The following RTL4 variants were observed in gnomAD, a reference collection of about 807,000 sequenced individuals.
The protein encoded by RTL4 is retrotransposon Gag-like protein 4.
In RTL4, 4 loss-of-function variants were observed where a neutral mutation model predicts 5.3. The observed-to-expected ratio is 0.75, with a 90% CI of 0.37 to 1.72. RTL4 has a LOEUF of 1.72. RTL4 is among the 40% of genes most tolerant of loss of function. The pLI, the probability that RTL4 is intolerant of heterozygous loss-of-function variation, is 0.04. For missense variants in RTL4, 260 were observed against 227.1 expected, an observed-to-expected ratio of 1.14 and a Z score of -0.93; for synonymous variants, 98 against 87.3, an observed-to-expected ratio of 1.12 and a Z score of -0.68.
At chrX:112,450,577 AT>A (rs1316853197), upstream of RTL4, among the ~76,000 whole-genome samples, 618 of 108,826 alleles carry the variant, frequency 5.7e-3, 2 homozygotes, top group African/African-American at 0.02. Context: ...GGCAAGGTAG[AT>A]TTTTTTTTTG....
At chrX:112,240,781 G>A in the RTL4 span, among the ~76,000 whole-genome samples, 1 of 110,750 alleles carries the variant, frequency 9.0e-6, no homozygotes, top group African/African-American at 3.3e-5. Flanking sequence ...ACCCATTAAC[G>A]TGTCATCTAC....
chrX:112,435,846 C>T, the RTL4 span, among the ~76,000 whole-genome samples: 2 of 112,032 alleles, frequency 1.8e-5, no homozygotes, highest in African/African-American at 6.5e-5. Flanking sequence ...TTTACTTCTC[C>T]CTTCTGTTCC....
At chrX:112,168,404 T>C in the RTL4 span, among the ~76,000 whole-genome samples, 1 of 111,833 alleles carries the variant, frequency 8.9e-6, no homozygotes, top group Non-Finnish European at 1.9e-5. Flanking sequence ...ATTTGAACCA[T>C]AGCAACTCCA....
At chrX:112,297,418 G>A in the RTL4 span, among the ~76,000 whole-genome samples, 24 of 111,548 alleles carry the variant, frequency 2.2e-4, no homozygotes, top group Non-Finnish European at 1.3e-4. Context: ...AAGCAGGCGC[G>A]TCCTACACAG....
the RTL4 span, among the ~76,000 whole-genome samples, chrX:112,350,191 GC>G: frequency 9.0e-6 from 1 of 111,048 alleles, no homozygotes; most frequent in African/African-American, 3.3e-5. Flanking sequence ...TGTTGAACCA[GC>G]CTTTCATCCC....
chrX:112,172,316 C>G, the RTL4 span, among the ~76,000 whole-genome samples: 1 of 110,651 alleles, frequency 9.0e-6, no homozygotes, highest in African/African-American at 3.3e-5. Flanking sequence ...CAGAGTAAGA[C>G]TCTGTCAAAA....
chrX:112,303,579 G>C, the RTL4 span, among the ~76,000 whole-genome samples: 1 of 80,796 alleles, frequency 1.2e-5, no homozygotes, highest in African/African-American at 4.9e-5. Context: ...GACACAGGAA[G>C]GGGAACATCA....
chrX:112,411,390 G>C, the RTL4 span, among the ~76,000 whole-genome samples: 1 of 111,166 alleles, frequency 9.0e-6, no homozygotes, highest in African/African-American at 3.3e-5. Flanking sequence ...ACCAGACAAA[G>C]ACACATCAAA....
At chrX:112,182,199 A>G in the RTL4 span, among the ~76,000 whole-genome samples, 3 of 112,025 alleles carry the variant, frequency 2.7e-5, no homozygotes, top group Admixed American at 9.5e-5. Flanking sequence ...TCAAAGACCA[A>G]AGGTAGCTAA....
At chrX:112,153,267 A>G in the RTL4 span, among the ~76,000 whole-genome samples, 1 of 111,804 alleles carries the variant, frequency 8.9e-6, no homozygotes, top group African/African-American at 3.2e-5. Context: ...GAAACCAATC[A>G]CTGAAGAAAA....
At chrX:112,247,684 A>C in the RTL4 span, among the ~76,000 whole-genome samples, 1 of 112,236 alleles carries the variant, frequency 8.9e-6, no homozygotes, top group Non-Finnish European at 1.9e-5. Context: ...CCAGAAATTA[A>C]ATCCCGGTTT....
At chrX:112,337,100 C>T in the RTL4 span, among the ~76,000 whole-genome samples, 1 of 111,466 alleles carries the variant, frequency 9.0e-6, no homozygotes, top group African/African-American at 3.3e-5. Flanking sequence ...TTTGCCAGCT[C>T]TTACTTTAGC....
chrX:112,306,346 C>T, the RTL4 span, among the ~76,000 whole-genome samples: 6 of 111,837 alleles, frequency 5.4e-5, no homozygotes, highest in Admixed American at 5.7e-4. Flanking sequence ...GTAACTGGAA[C>T]TATCTCTTTT....
At chrX:112,295,273 G>A in the RTL4 span, among the ~76,000 whole-genome samples, 953 of 110,913 alleles carry the variant, frequency 8.6e-3, 8 homozygotes, top group African/African-American at 0.029. Flanking sequence ...TTCCACCACT[G>A]AGACCTTCTG....
chrX:112,451,970 A>G (rs573548131), upstream of RTL4, among the ~76,000 whole-genome samples: 5 of 112,063 alleles, frequency 4.5e-5, no homozygotes, highest in African/African-American at 1.6e-4. Context: ...CCAGCTTGTT[A>G]AAATACAGAT....
At chrX:112,206,485 C>T in the RTL4 span, among the ~76,000 whole-genome samples, 1 of 111,193 alleles carries the variant, frequency 9.0e-6, no homozygotes, top group East Asian at 2.8e-4. Context: ...TCCCAAAACA[C>T]TCTCCTCTCT....
chrX:112,447,072 G>A, the RTL4 span, among the ~76,000 whole-genome samples: 3 of 111,466 alleles, frequency 2.7e-5, no homozygotes, highest in Non-Finnish European at 5.7e-5. Flanking sequence ...GAATTAATAG[G>A]GACAACAGGA....
the RTL4 span, among the ~76,000 whole-genome samples, chrX:112,160,422 T>C: frequency 8.9e-6 from 1 of 112,151 alleles, no homozygotes; most frequent in Non-Finnish European, 1.9e-5. Context: ...TCCACAAGCT[T>C]TATCTAAACT....
chrX:112,310,725 T>C, the RTL4 span, among the ~76,000 whole-genome samples: 1 of 76,358 alleles, frequency 1.3e-5, no homozygotes, highest in African/African-American at 5.3e-5. Context: ...CAATATTATA[T>C]ATTATATATT....
Sources: allele counts gnomAD v4.1 joint callset (sites outside exome capture counted in the v4.1 genomes callset), GRCh38; gene constraint gnomAD v4.1.1; transcripts MANE v1.5; gene names NCBI Gene and HGNC (gene_info 2026-07-23, HGNC 2026-07-21).